The following IGF2BP2 variants were observed in gnomAD, a reference collection of about 807,000 sequenced individuals.
IGF2BP2 encodes insulin like growth factor 2 mRNA binding protein 2.
In IGF2BP2, 17 loss-of-function variants were observed where a neutral mutation model predicts 75.8. The observed-to-expected ratio is 0.22, with a 90% CI of 0.15 to 0.34. IGF2BP2 has a LOEUF of 0.34. IGF2BP2 is among the 10% of genes least tolerant of loss of function. IGF2BP2 has a pLI of 1.00. For missense variants in IGF2BP2, 516 were observed against 772.4 expected, an observed-to-expected ratio of 0.67 and a Z score of 3.93; for synonymous variants, 288 against 295.6, an observed-to-expected ratio of 0.97 and a Z score of 0.26.
At chr3:185,675,667 G>A (rs1719223541) in intron 8 of IGF2BP2, 124 bp downstream of exon 8, 4 of 1,261,434 alleles carry the variant, frequency 3.2e-6, no homozygotes, top group Non-Finnish European at 4.4e-6. Context: ...AAAAGATGAT[G>A]GAGATAATTG....
At chr3:185,685,033 T>C (rs1269645448) in intron 7 of IGF2BP2, among the ~76,000 whole-genome samples, 1 of 152,110 alleles carries the variant, frequency 6.6e-6, no homozygotes, top group Non-Finnish European at 1.5e-5. Flanking sequence ...TTTATTAAGT[T>C]GTTTGCACCT....
At chr3:185,814,977 G>A (rs1740408919) in intron 2 of IGF2BP2, among the ~76,000 whole-genome samples, 1 of 151,888 alleles carries the variant, frequency 6.6e-6, no homozygotes, top group South Asian at 2.1e-4. Context: ...ATATAAAAAT[G>A]AAAGCATGCC....
chr3:185,675,015 T>C lies in IGF2BP2; in HGVS notation c.1071+281A>G, dbSNP rs963206231. On this transcript the variant is annotated intron_variant, in intron 9 of 15. Coordinates refer to ENST00000382199, the MANE Select transcript of IGF2BP2 (RefSeq NM_006548.6). Reference sequence around the variant, plus strand: ...CCCAGTTATTCTTGCTTTTCTTTTTTTTTTTTTTTTTTTTTTTATTCTTGC... The same window carrying C: ...CCCAGTTATTCTTGCTTTTCTTTTTCTTTTTTTTTTTTTTTTTATTCTTGC... The C allele has an allele frequency of 3.2e-3, 541 of 168,090 alleles. 2 individuals are homozygous for C. Among genetic ancestry groups the C allele is most frequent in the Non-Finnish European group, 5.4e-3 (437 of 80,564 alleles). 10.4% of individuals were successfully genotyped at this position (168,090 alleles called of 1,614,324 possible).
intron 2 of IGF2BP2, among the ~76,000 whole-genome samples, chr3:185,734,358 T>A (rs1270081809): frequency 6.6e-6 from 1 of 152,244 alleles, no homozygotes; most frequent in Non-Finnish European, 1.5e-5. Context: ...GAGATCATAA[T>A]GCTAGAGCCC....
chr3:185,750,948 G>A (rs1730881067), intron 2 of IGF2BP2, among the ~76,000 whole-genome samples: 1 of 152,354 alleles, frequency 6.6e-6, no homozygotes, highest in African/African-American at 2.4e-5. Context: ...TGGGCGTGGT[G>A]GCTCACACCT....
intron 2 of IGF2BP2, among the ~76,000 whole-genome samples, chr3:185,792,041 G>T (rs1273782068): frequency 6.6e-6 from 1 of 152,168 alleles, no homozygotes; most frequent in Admixed American, 6.5e-5. Context: ...AAGAGGGGCT[G>T]TTCCTTTATT....
chr3:185,721,958 C>T (rs1726613460), intron 2 of IGF2BP2, among the ~76,000 whole-genome samples: 1 of 151,820 alleles, frequency 6.6e-6, no homozygotes, highest in African/African-American at 2.4e-5. Context: ...TCACTTATCA[C>T]TAACCAGCAT....
At chr3:185,723,976 C>A (rs897027026) in intron 2 of IGF2BP2, among the ~76,000 whole-genome samples, 2 of 152,158 alleles carry the variant, frequency 1.3e-5, no homozygotes, top group African/African-American at 4.8e-5. Context: ...CCCAGGGAAG[C>A]CGAAGGAGAC....
intron 2 of IGF2BP2, among the ~76,000 whole-genome samples, chr3:185,731,199 C>G (rs1728114358): frequency 6.6e-6 from 1 of 151,010 alleles, no homozygotes; most frequent in Non-Finnish European, 1.5e-5. Context: ...AGAATGGAAC[C>G]TAGAAGGAGA....
At chr3:185,815,120 T>C (rs1371025036) in intron 2 of IGF2BP2, among the ~76,000 whole-genome samples, 1 of 152,176 alleles carries the variant, frequency 6.6e-6, no homozygotes, top group East Asian at 1.9e-4. Context: ...GTATGTTTTT[T>C]ACACTTAACT....
chr3:185,698,681 T>G (rs1722904475), intron 2 of IGF2BP2, among the ~76,000 whole-genome samples: 1 of 151,704 alleles, frequency 6.6e-6, no homozygotes, highest in Non-Finnish European at 1.5e-5. Flanking sequence ...CAGGCTGGAG[T>G]GCAGTGGCAC....
chr3:185,723,814 C>T (rs1272714057), intron 2 of IGF2BP2, among the ~76,000 whole-genome samples: 1 of 152,132 alleles, frequency 6.6e-6, no homozygotes, highest in Non-Finnish European at 1.5e-5. Context: ...AAAGGCTATA[C>T]CTAGCCTTGA....
chr3:185,724,083 AG>A (rs1726968632), intron 2 of IGF2BP2, among the ~76,000 whole-genome samples: 2 of 152,226 alleles, frequency 1.3e-5, no homozygotes, highest in South Asian at 4.1e-4. Context: ...TGGGCCAAAA[AG>A]TCCTAAGTGG....
chr3:185,675,755 A>G (rs1719239857), intron 8 of IGF2BP2, 36 bp downstream of exon 8: 3 of 1,607,272 alleles, frequency 1.9e-6, no homozygotes, highest in Non-Finnish European at 2.5e-6. Context: ...CAGGTGTTCC[A>G]TTATTGGGCA....
intron 2 of IGF2BP2, among the ~76,000 whole-genome samples, chr3:185,813,653 C>T (rs529149307): frequency 2.6e-5 from 4 of 152,346 alleles, no homozygotes; most frequent in Admixed American, 2.6e-4. Context: ...TTTTCAACCA[C>T]TTACAAAAGC....
intron 2 of IGF2BP2, among the ~76,000 whole-genome samples, chr3:185,702,926 G>A (rs138595760): frequency 1.0e-3 from 153 of 152,278 alleles, no homozygotes; most frequent in South Asian, 5.4e-3. Context: ...GAAGTCAAGC[G>A]AAGGGTGCTC....
chr3:185,794,507 G>A (rs1406258501), intron 2 of IGF2BP2, among the ~76,000 whole-genome samples: 1 of 152,098 alleles, frequency 6.6e-6, no homozygotes, highest in Non-Finnish European at 1.5e-5. Flanking sequence ...AGATGAGATA[G>A]GACTCAGGCC....
intron 2 of IGF2BP2, chr3:185,820,965 A>C (rs1360700524): frequency 6.6e-7 from 1 of 1,522,034 alleles, no homozygotes; most frequent in Admixed American, 2.1e-5. Flanking sequence ...GAACACCAAA[A>C]TAGTCTCCAT....
At chr3:185,699,771 T>A (rs1030470314) in intron 2 of IGF2BP2, among the ~76,000 whole-genome samples, 2 of 152,328 alleles carry the variant, frequency 1.3e-5, no homozygotes, top group South Asian at 4.1e-4. Flanking sequence ...TACATAGGTA[T>A]CCTGAAGTAT....
Sources: allele counts gnomAD v4.1 joint callset (sites outside exome capture counted in the v4.1 genomes callset), GRCh38; gene constraint gnomAD v4.1.1; transcripts MANE v1.5; gene names NCBI Gene and HGNC (gene_info 2026-07-23, HGNC 2026-07-21).